Variants in NSUN3 observed in about 807,000 individuals in gnomAD.
NSUN3 encodes NOP2/Sun RNA methyltransferase 3.
In NSUN3, 24 loss-of-function variants were observed where a neutral mutation model predicts 36.8. The observed-to-expected ratio is 0.65, with a 90% CI of 0.47 to 0.92. The LOEUF (loss-of-function observed/expected upper bound fraction) is 0.92, where lower values mean the gene tolerates loss of function less well. NSUN3 is among the 40% of genes least tolerant of loss of function. NSUN3 has a pLI of 0.00. For synonymous variants in NSUN3, 146 were observed against 145.2 expected (o/e 1.01, Z -0.04); for missense variants, 381 against 392.8 (o/e 0.97, Z 0.25).
intron 2 of NSUN3, chr3:94,076,319 A>C (rs1402799079): frequency 1.2e-6 from 1 of 851,266 alleles, no homozygotes; most frequent in African/African-American, 1.7e-5. Context: ...CTGTGGCAAG[A>C]ATGAACTCAC....
chr3:94,122,016 G>C (rs1055689119), intron 5 of NSUN3, among the ~76,000 whole-genome samples: 1 of 151,850 alleles, frequency 6.6e-6, no homozygotes, highest in Non-Finnish European at 1.5e-5. Context: ...GTGGTGGCAG[G>C]TGCCTGTAAT....
chr3:94,130,399 G>A lies in NSUN3; in HGVS notation c.*3909G>A, dbSNP rs192686187. 6.6e-6 allele frequency among the ~76,000 whole-genome samples: 1 copy of A among 152,262 alleles called. No homozygotes were observed. The highest frequency in any genetic ancestry group is 1.9e-4 in the East Asian group (1 of 5,190). On this transcript the variant is annotated 3_prime_UTR_variant, in exon 6 of 6. Coordinates refer to ENST00000314622, the MANE Select transcript of NSUN3 (RefSeq NM_022072.5). ...CTTTTACCAAAGATAATGAAATCTT[G>A]CATAATGTCTGCATTTTTCCATTGA...
At chr3:94,115,160 G>C (rs2077434505) in intron 5 of NSUN3, among the ~76,000 whole-genome samples, 1 of 152,078 alleles carries the variant, frequency 6.6e-6, no homozygotes, top group Admixed American at 6.6e-5. Flanking sequence ...TTCTACATAA[G>C]TTGCAGATAG....
At chr3:94,112,999 G>A (rs2077424196) in intron 5 of NSUN3, among the ~76,000 whole-genome samples, 1 of 152,084 alleles carries the variant, frequency 6.6e-6, no homozygotes, top group Non-Finnish European at 1.5e-5. Flanking sequence ...CAAGTAGCTG[G>A]GACTACAGGG....
chr3:94,079,027 G>A (rs1474426172), intron 2 of NSUN3, among the ~76,000 whole-genome samples: 1 of 152,124 alleles, frequency 6.6e-6, no homozygotes, highest in Non-Finnish European at 1.5e-5. Context: ...TAGTGTCGAT[G>A]GTCTTTACAA....
intron 5 of NSUN3, among the ~76,000 whole-genome samples, chr3:94,104,744 G>T (rs2077378857): frequency 6.6e-6 from 1 of 151,962 alleles, no homozygotes; most frequent in East Asian, 1.9e-4. Flanking sequence ...ACACATAGAG[G>T]GTAGACACAA....
At chr3:94,117,110 T>C (rs2077443450) in intron 5 of NSUN3, among the ~76,000 whole-genome samples, 1 of 150,738 alleles carries the variant, frequency 6.6e-6, no homozygotes. Flanking sequence ...GTGATTCTCC[T>C]GTCTTAGCCT....
In NSUN3 at chr3:94,076,183, A is replaced by G. The variant is rs2077244938; in HGVS notation, c.123-7924A>G. On this transcript the variant is annotated intron_variant, in intron 2 of 5. Transcript: ENST00000314622. ...TCAGTCTGCGATCAGTACCACTGGAAGCCAAAATAGTCTCACTGTGAGGTG... is the reference window on the plus strand; with the variant it reads ...TCAGTCTGCGATCAGTACCACTGGAGGCCAAAATAGTCTCACTGTGAGGTG... 4.0e-6 allele frequency: 4 copies of G among 989,172 alleles called. No homozygotes were observed. The South Asian group carries it at 5.1e-5, about 13-fold the overall frequency. The allele number at this position is 989,172 out of a possible 1,614,324, so 61.3% of individuals were successfully genotyped here. A position where few individuals can be genotyped will look rare whatever the true frequency, so the allele number is the denominator to read the frequency against.
At chr3:94,078,925 C>T (rs2077257290) in intron 2 of NSUN3, among the ~76,000 whole-genome samples, 1 of 151,616 alleles carries the variant, frequency 6.6e-6, no homozygotes, top group Non-Finnish European at 1.5e-5. Context: ...TGCATTTAGC[C>T]TGTTTAAAGG....
At position 94,129,723 on chromosome 3, in the gene NSUN3, A is replaced by C. The variant is rs1181763722; in HGVS notation, c.*3233A>C. 1.3e-5 allele frequency among the ~76,000 whole-genome samples: 2 copies of C among 151,270 alleles called. No individual in the cohort carries two copies. The highest frequency in any genetic ancestry group is 1.3e-4 in the Admixed American group (2 of 15,182). ...AATATTGAGCATTGAATATTCTATA[A>C]ATTGTTTATATATGTTGTCTTTTTT... On this transcript the variant is annotated 3_prime_UTR_variant, in exon 6 of 6. Transcript: ENST00000314622.
intron 3 of NSUN3, among the ~76,000 whole-genome samples, chr3:94,091,917 A>G (rs929631450): frequency 6.6e-6 from 1 of 152,178 alleles, no homozygotes; most frequent in African/African-American, 2.4e-5. Flanking sequence ...AGCCACTTGA[A>G]TTGTTTCCAG....
Position 94,131,618 on chromosome 3 carries a change from G to T in NSUN3, c.*5128G>T, listed in dbSNP as rs529977858. ...ATTCTCTGCCTTCCTTTTCTTTGCAGATGCTGAGCTGAAGAATGGAAATTT... is the reference window on the plus strand; with the variant it reads ...ATTCTCTGCCTTCCTTTTCTTTGCATATGCTGAGCTGAAGAATGGAAATTT... On this transcript the variant is annotated 3_prime_UTR_variant, in exon 6 of 6. Coordinates refer to ENST00000314622, the MANE Select transcript of NSUN3 (RefSeq NM_022072.5). Among the ~76,000 whole-genome samples the T allele has an allele frequency of 6.6e-6, 1 of 152,310 alleles. No individual in the cohort carries two copies. The highest frequency in any genetic ancestry group is 1.9e-4 in the East Asian group (1 of 5,188).
intron 2 of NSUN3, among the ~76,000 whole-genome samples, chr3:94,072,203 TTC>T (rs1336873011): frequency 6.6e-6 from 1 of 152,108 alleles, no homozygotes; most frequent in Non-Finnish European, 1.5e-5. Flanking sequence ...TGGGGTAAAA[TTC>T]TCTTTCTTGC....
At chr3:94,093,150 T>A (rs2077323022) in intron 3 of NSUN3, among the ~76,000 whole-genome samples, 1 of 151,744 alleles carries the variant, frequency 6.6e-6, no homozygotes, top group African/African-American at 2.4e-5. Flanking sequence ...GGACCTTGAT[T>A]TAAGGACTCT....
chr3:94,087,326 C>T (rs1172945651), intron 3 of NSUN3, among the ~76,000 whole-genome samples: 1 of 152,168 alleles, frequency 6.6e-6, no homozygotes, highest in Non-Finnish European at 1.5e-5. Context: ...CATTTGTACA[C>T]CAAATTTCTT....
chr3:94,083,501 C>A lies in NSUN3; in HGVS notation c.123-606C>A, dbSNP rs552359992. Among the ~76,000 whole-genome samples the A allele has an allele frequency of 5.9e-5, 9 of 152,168 alleles. No individual in the cohort carries two copies. In the South Asian group the frequency reaches 1.7e-3, roughly 28 times the overall value. Reference sequence around the variant, plus strand: ...CAGTCTGATTGGTTGGGGAAAGCAACCAAACGGAGGCTGAAGTGAAGTTAC... The same window carrying A: ...CAGTCTGATTGGTTGGGGAAAGCAAACAAACGGAGGCTGAAGTGAAGTTAC... On this transcript the variant is annotated intron_variant, in intron 2 of 5. Transcript: ENST00000314622.
Position 94,130,535 on chromosome 3 carries a change from T to C in NSUN3, c.*4045T>C, listed in dbSNP as rs781112805. ...TTTTTATACAAACACTTATGAGTTATATAAAATGTTCTAAAACTAGAAAAA... is the reference window on the plus strand; with the variant it reads ...TTTTTATACAAACACTTATGAGTTACATAAAATGTTCTAAAACTAGAAAAA... On this transcript the variant is annotated 3_prime_UTR_variant, in exon 6 of 6. Coordinates refer to ENST00000314622, the MANE Select transcript of NSUN3 (RefSeq NM_022072.5). Among the ~76,000 whole-genome samples the C allele has an allele frequency of 2.0e-5, 3 of 152,244 alleles. No individual in the cohort carries two copies. Among genetic ancestry groups the C allele is most frequent in the African/African-American group, 7.2e-5 (3 of 41,466 alleles).
rs1195686869 is a variant in NSUN3 at position 94,130,190 on chromosome 3, T to C, written c.*3700T>C. ...ACTGGTAAGTAAAGGGTTCAGCCAA[T>C]GTATAGACAGACTGTATAGATATAT... On this transcript the variant is annotated 3_prime_UTR_variant, in exon 6 of 6. Transcript: ENST00000314622. Among the ~76,000 whole-genome samples, 1 of 152,180 alleles carries C rather than the reference T, an allele frequency of 6.6e-6. No homozygotes were observed. The highest frequency in any genetic ancestry group is 6.5e-5 in the Admixed American group (1 of 15,272).
At chr3:94,079,443 C>A (rs1389956589) in intron 2 of NSUN3, among the ~76,000 whole-genome samples, 1 of 152,030 alleles carries the variant, frequency 6.6e-6, no homozygotes, top group Non-Finnish European at 1.5e-5. Flanking sequence ...TTGTGGTGGT[C>A]TCTGTATTTC....
Sources: allele counts gnomAD v4.1 joint callset (sites outside exome capture counted in the v4.1 genomes callset), GRCh38; gene constraint gnomAD v4.1.1; transcripts MANE v1.5; gene names NCBI Gene and HGNC (gene_info 2026-07-23, HGNC 2026-07-21).